The following PLCL1 variants were observed in gnomAD, a reference collection of about 807,000 sequenced individuals.
The protein encoded by PLCL1 is inactive phospholipase C-like protein 1.
A neutral mutation model predicts 84.4 loss-of-function variants in PLCL1; 41 were observed. That is an observed-to-expected ratio of 0.49 (90% confidence interval 0.38 to 0.63). PLCL1 has a LOEUF of 0.63. Ranked by LOEUF, PLCL1 falls within the 30% of genes least tolerant of loss-of-function variation. The probability of loss-of-function intolerance (pLI) is 0.00; values close to 1 mark genes in which losing one functional copy is unlikely to be tolerated. For missense variants in PLCL1, 1,206 were observed against 1,367.8 expected (o/e 0.88, Z 1.87); for synonymous variants, 490 against 488.3 (o/e 1.00, Z -0.05).
chr2:197,989,623 G>C (rs1182828901), intron 1 of PLCL1, among the ~76,000 whole-genome samples: 1 of 152,080 alleles, frequency 6.6e-6, no homozygotes, highest in South Asian at 2.1e-4. Flanking sequence ...AGAATCATCT[G>C]AACACAGGAG....
At chr2:197,860,390 C>A (rs1040837900) in intron 1 of PLCL1, among the ~76,000 whole-genome samples, 1 of 152,046 alleles carries the variant, frequency 6.6e-6, no homozygotes, top group African/African-American at 2.4e-5. Flanking sequence ...TGGGTATATA[C>A]CTAGTAATGG....
At chr2:198,012,041 A>G (rs1050597014) in intron 1 of PLCL1, among the ~76,000 whole-genome samples, 2 of 147,824 alleles carry the variant, frequency 1.4e-5, no homozygotes, top group African/African-American at 4.9e-5. Context: ...TCTAATTTCT[A>G]TCAATTGTAT....
intron 3 of PLCL1, among the ~76,000 whole-genome samples, chr2:198,090,489 TA>T (rs1463530694): frequency 6.6e-6 from 1 of 152,084 alleles, no homozygotes; most frequent in Non-Finnish European, 1.5e-5. Context: ...ATTTTGTCAT[TA>T]AAAAACAAGT....
At chr2:198,030,094 T>C (rs901268161) in intron 1 of PLCL1, among the ~76,000 whole-genome samples, 3 of 152,146 alleles carry the variant, frequency 2.0e-5, no homozygotes, top group Non-Finnish European at 4.4e-5. Flanking sequence ...GCTGCACAGC[T>C]GTCATCACCC....
intron 1 of PLCL1, among the ~76,000 whole-genome samples, chr2:197,938,261 AC>A (rs1385876940): frequency 6.6e-6 from 1 of 152,136 alleles, no homozygotes; most frequent in African/African-American, 2.4e-5. Context: ...ACCAACTTCC[AC>A]ATCCACCTCC....
chr2:197,990,630 G>A (rs950530964), intron 1 of PLCL1, among the ~76,000 whole-genome samples: 1 of 152,142 alleles, frequency 6.6e-6, no homozygotes, highest in Non-Finnish European at 1.5e-5. Context: ...TCACTATCAT[G>A]AGAAAACCCA....
intron 1 of PLCL1, among the ~76,000 whole-genome samples, chr2:197,819,975 C>T (rs1329074676): frequency 6.6e-6 from 1 of 151,096 alleles, no homozygotes; most frequent in African/African-American, 2.4e-5. Flanking sequence ...CTTTTGTCTT[C>T]CAAACCTGCA....
chr2:197,845,381 G>A (rs953281611), intron 1 of PLCL1, among the ~76,000 whole-genome samples: 2 of 152,060 alleles, frequency 1.3e-5, no homozygotes, highest in Non-Finnish European at 2.9e-5. Context: ...GGACATTTGA[G>A]TTAGACTTTG....
chr2:198,123,393 T>C (rs1693917170), intron 5 of PLCL1, among the ~76,000 whole-genome samples: 1 of 152,010 alleles, frequency 6.6e-6, no homozygotes. Context: ...TGGCTGTATT[T>C]GGAGATAGGG....
At chr2:197,923,192 T>C (rs1574950580) in intron 1 of PLCL1, among the ~76,000 whole-genome samples, 4 of 130,402 alleles carry the variant, frequency 3.1e-5, no homozygotes, top group Admixed American at 2.3e-4. Context: ...ACGGGGCGGC[T>C]GGCCGGGCGG....
chr2:197,913,854 A>T (rs1688537898), intron 1 of PLCL1, among the ~76,000 whole-genome samples: 1 of 152,118 alleles, frequency 6.6e-6, no homozygotes, highest in Admixed American at 6.5e-5. Flanking sequence ...TTTCCTTTTC[A>T]TAAAAGGGTA....
Position 198,010,521 on chromosome 2 carries a change from C to A in PLCL1, c.241-73237C>A, listed in dbSNP as rs1178073599. 7.2e-5 allele frequency among the ~76,000 whole-genome samples: 11 copies of A among 151,834 alleles called. No homozygotes were observed. In the East Asian group the frequency reaches 1.9e-3, roughly 27 times the overall value. ...ATTTCATTTATAAATCCCTCTTGAT[C>A]ATGGTGTGATCAACGTGTGCTTGAA... On this transcript the variant is annotated intron_variant, in intron 1 of 5. Coordinates refer to ENST00000428675, the MANE Select transcript of PLCL1 (RefSeq NM_006226.4).
At chr2:197,822,512 C>T (rs1690837570) in intron 1 of PLCL1, among the ~76,000 whole-genome samples, 1 of 152,154 alleles carries the variant, frequency 6.6e-6, no homozygotes, top group African/African-American at 2.4e-5. Context: ...TAACCCCTGA[C>T]ATTTATTGGG....
intron 1 of PLCL1, among the ~76,000 whole-genome samples, chr2:197,808,015 A>G (rs771007416): frequency 6.6e-6 from 1 of 152,226 alleles, no homozygotes; most frequent in Admixed American, 6.5e-5. Flanking sequence ...GCTGAGGAAA[A>G]CAATGACAAC....
At chr2:198,013,261 C>A (rs982339922) in intron 1 of PLCL1, among the ~76,000 whole-genome samples, 3 of 151,936 alleles carry the variant, frequency 2.0e-5, no homozygotes, top group African/African-American at 7.2e-5. Flanking sequence ...GAGTCCAGGG[C>A]TTCCTATTTT....
intron 1 of PLCL1, among the ~76,000 whole-genome samples, chr2:197,881,847 C>T (rs1235678813): frequency 6.6e-6 from 1 of 152,172 alleles, no homozygotes; most frequent in Non-Finnish European, 1.5e-5. Context: ...TCCATCAACT[C>T]ATGGCCAATT....
chr2:197,981,979 A>G (rs1011872421), intron 1 of PLCL1, among the ~76,000 whole-genome samples: 1 of 151,768 alleles, frequency 6.6e-6, no homozygotes, highest in African/African-American at 2.4e-5. Context: ...TATTTTAATT[A>G]TTTTAAGTTA....
chr2:197,866,399 A>C (rs1462093810), intron 1 of PLCL1, among the ~76,000 whole-genome samples: 1 of 151,856 alleles, frequency 6.6e-6, no homozygotes, highest in African/African-American at 2.4e-5. Context: ...ACATTGAATT[A>C]ATTTGTCACT....
chr2:197,809,073 G>C (rs1690534507), intron 1 of PLCL1, among the ~76,000 whole-genome samples: 1 of 152,086 alleles, frequency 6.6e-6, no homozygotes. Context: ...GTGGATTTTT[G>C]AACTGAAGCC....
Sources: gnomAD v4.1 joint callset for allele counts (sites outside exome capture counted in the v4.1 genomes callset) on GRCh38, gnomAD v4.1.1 for gene constraint, MANE v1.5 for transcripts, NCBI Gene and HGNC (gene_info 2026-07-23, HGNC 2026-07-21) for gene names.